NUP107: variants seen among roughly 807,000 people sequenced by gnomAD.
The protein encoded by NUP107 is nuclear pore complex protein Nup107.
A neutral mutation model predicts 141.0 loss-of-function variants in NUP107; 101 were observed. That is an observed-to-expected ratio of 0.72 (90% CI 0.61 to 0.84). The LOEUF (loss-of-function observed/expected upper bound fraction) is 0.84, where lower values mean the gene tolerates loss of function less well. NUP107 is among the 40% of genes least tolerant of loss of function. The pLI is 0.00. For missense variants in NUP107, 941 were observed against 1,102.7 expected (o/e 0.85, Z 2.08); for synonymous variants, 319 against 363.9 (o/e 0.88, Z 1.41).
intron 6 of NUP107, among the ~76,000 whole-genome samples, chr12:68,698,480 A>G (rs1476042977): frequency 6.6e-6 from 1 of 152,224 alleles, no homozygotes; most frequent in African/African-American, 2.4e-5. Context: ...TGAAAACTGT[A>G]TACACAAAAA....
intron 26 of NUP107, 33 bp downstream of exon 26, chr12:68,735,377 C>T: frequency 7.2e-7 from 1 of 1,392,436 alleles, no homozygotes; most frequent in Non-Finnish European, 1.0e-6. Flanking sequence ...AGCCAAAAAC[C>T]AAAACACTCA....
intron 6 of NUP107, among the ~76,000 whole-genome samples, chr12:68,697,782 C>T (rs778820573): frequency 5.3e-5 from 8 of 152,060 alleles, no homozygotes; most frequent in Non-Finnish European, 8.8e-5. Flanking sequence ...GTAATCCTAG[C>T]ACTTTGGGAG....
At chr12:68,713,375 CAAA>C (rs139024005) in intron 10 of NUP107, among the ~76,000 whole-genome samples, 6 of 87,386 alleles carry the variant, frequency 6.9e-5, no homozygotes, top group African/African-American at 8.8e-5. Flanking sequence ...ACCCTGTCTC[CAAA>C]AAAAAAAAAA....
At chr12:68,712,920 T>C (rs1026508406) in intron 10 of NUP107, among the ~76,000 whole-genome samples, 4 of 152,068 alleles carry the variant, frequency 2.6e-5, no homozygotes, top group African/African-American at 9.7e-5. Context: ...TGTGTCATAG[T>C]CCTAAATGTA....
chr12:68,701,895 C>T (rs1032818757), intron 7 of NUP107, among the ~76,000 whole-genome samples: 22 of 151,966 alleles, frequency 1.4e-4, no homozygotes, highest in Non-Finnish European at 2.2e-4. Flanking sequence ...CTGCAACCTC[C>T]GCCTCTGAGG....
At chr12:68,707,027 G>A (rs1294438635) in intron 8 of NUP107, 13 of 605,368 alleles carry the variant, frequency 2.1e-5, no homozygotes, top group Non-Finnish European at 3.8e-5. Flanking sequence ...CGAGACCCAC[G>A]ATGGAAAGCT....
intron 6 of NUP107, among the ~76,000 whole-genome samples, chr12:68,699,245 C>T (rs1876210479): frequency 2.0e-5 from 3 of 151,974 alleles, no homozygotes; most frequent in Admixed American, 1.3e-4. Context: ...TGGTGGTGGG[C>T]ACCTGTAATC....
intron 11 of NUP107, 134 bp from the exon 12 acceptor site, chr12:68,715,493 C>T (rs1565695321): frequency 1.4e-5 from 8 of 586,482 alleles, no homozygotes; most frequent in Non-Finnish European, 1.8e-5. Context: ...GACTCCGTCT[C>T]GGAAAAGAAA....
intron 6 of NUP107, among the ~76,000 whole-genome samples, chr12:68,697,391 T>C (rs1876117067): frequency 6.9e-6 from 1 of 144,390 alleles, no homozygotes; most frequent in Non-Finnish European, 1.5e-5. Context: ...ACCACTGCAC[T>C]CCAGCCAGGG....
intron 10 of NUP107, among the ~76,000 whole-genome samples, chr12:68,712,644 GTTTTTTT>G (rs568962637): frequency 2.9e-4 from 37 of 126,012 alleles, no homozygotes; most frequent in African/African-American, 1.0e-3. Flanking sequence ...TTTGTTTTTT[GTTTTTTT>G]TTTTTAGTTA....
intron 26 of NUP107, among the ~76,000 whole-genome samples, chr12:68,737,427 T>C (rs924048706): frequency 2.0e-5 from 3 of 151,672 alleles, no homozygotes; most frequent in Non-Finnish European, 4.4e-5. Flanking sequence ...ATTAGCCTGG[T>C]GTGGTGGTGC....
At position 68,689,638 on chromosome 12, in the gene NUP107, A is replaced by T. The variant is rs369760338; in HGVS notation, c.187+19A>T. ...CAGCCTTGTAAGATTTTTTGCTTTT[A>T]AAGCATTTAATAATAACGGTAATTA... On this transcript the variant is annotated intron_variant, in intron 3 of 27. Transcript: ENST00000229179. 1,163 of 1,496,636 alleles carry T rather than the reference A, an allele frequency of 7.8e-4. 1 individual carries two copies. The highest frequency in any genetic ancestry group is 9.9e-4 in the Non-Finnish European group (1,069 of 1,079,962). 92.7% of individuals were successfully genotyped at this position (1,496,636 alleles called of 1,614,324 possible).
chr12:68,704,509 A>T (rs916502777), intron 8 of NUP107, among the ~76,000 whole-genome samples: 3 of 151,416 alleles, frequency 2.0e-5, no homozygotes, highest in African/African-American at 7.3e-5. Flanking sequence ...GCTGGAGTGC[A>T]GTGGCGTGAT....
At chr12:68,687,526 G>A (rs1442567372) in intron 1 of NUP107, 31 of 994,918 alleles carry the variant, frequency 3.1e-5, no homozygotes, top group Non-Finnish European at 3.6e-5. Context: ...ACAAAGATCA[G>A]TTATTCAAGA....
Position 68,692,052 on chromosome 12 carries a change from A to G in NUP107, c.388A>G (p.Ile130Val), listed in dbSNP as rs879813687. 1 of 1,611,906 alleles carries G rather than the reference A, an allele frequency of 6.2e-7. No homozygotes were observed. The highest frequency in any genetic ancestry group is 8.5e-7 in the Non-Finnish European group (1 of 1,179,282). ...GTTCACAAACACAGAGCCCCACAGT[A>G]TAACAGAAGATGTAACTATCAGTGC... ...GLFTNTEPHS[I>V]TEDVTISAVM... The change falls in exon 5 of 28, where the codon ATA becomes GTA. Residue 130 changes from isoleucine (I) to valine (V), a missense_variant. Ile to Val is a conservative substitution (Grantham distance 29). Transcript: ENST00000229179.
chr12:68,737,593 A>G, intron 26 of NUP107, among the ~76,000 whole-genome samples: 1 of 150,276 alleles, frequency 6.7e-6, no homozygotes, highest in Non-Finnish European at 1.5e-5. Flanking sequence ...TGGAGTTGAG[A>G]TGGAAGGCAA....
intron 8 of NUP107, chr12:68,706,736 C>T (rs536714154): frequency 3.5e-4 from 266 of 756,830 alleles, no homozygotes; most frequent in Admixed American, 5.7e-4. Context: ...ACGGCAGCTG[C>T]GGGAGTACCA....
chr12:68,728,311 G>T (rs1034056155), intron 20 of NUP107, among the ~76,000 whole-genome samples: 4 of 150,314 alleles, frequency 2.7e-5, no homozygotes, highest in Admixed American at 6.6e-5. Flanking sequence ...AAACAATCAG[G>T]CCAGACGTGG....
intron 3 of NUP107, 192 bp downstream of exon 3, chr12:68,689,811 A>G (rs1253939322): frequency 4.0e-6 from 2 of 501,464 alleles, no homozygotes; most frequent in South Asian, 2.8e-5. Flanking sequence ...CACGGTAACT[A>G]TGACATGGGT....
Sources: allele counts gnomAD v4.1 joint callset (sites outside exome capture counted in the v4.1 genomes callset), GRCh38; gene constraint gnomAD v4.1.1; transcripts MANE v1.5; gene names NCBI Gene and HGNC (gene_info 2026-07-23, HGNC 2026-07-21).